NOS1AP: variants seen among roughly 807,000 people sequenced by gnomAD.
NOS1AP encodes the protein carboxyl-terminal PDZ ligand of neuronal nitric oxide synthase protein.
Under a neutral mutation model 56.2 loss-of-function variants are expected in NOS1AP, and 21 were observed. That is an observed-to-expected ratio of 0.37 (90% confidence interval 0.26 to 0.54). The LOEUF is 0.54. Among genes scored for constraint, NOS1AP ranks in the 20% least tolerant of loss-of-function variants. NOS1AP has a pLI of 0.84. For missense variants in NOS1AP, 522 were observed against 657.8 expected (o/e 0.79, Z 2.26); for synonymous variants, 270 against 274.6 (o/e 0.98, Z 0.17).
intron 2 of NOS1AP, among the ~76,000 whole-genome samples, chr1:162,258,502 C>T (rs1654107468): frequency 6.6e-6 from 1 of 152,152 alleles, no homozygotes. Flanking sequence ...CTCCTCTCCT[C>T]TCTTGGTTTC....
chr1:162,123,578 A>G (rs1030860900), intron 1 of NOS1AP, among the ~76,000 whole-genome samples: 1 of 152,248 alleles, frequency 6.6e-6, no homozygotes, highest in Admixed American at 6.5e-5. Flanking sequence ...ATGTAAAAAT[A>G]TATATTTCCT....
chr1:162,367,085 T>G lies in NOS1AP; in HGVS notation c.1139T>G (p.Phe380Cys). 2 of 1,613,948 alleles carry G rather than the reference T, an allele frequency of 1.2e-6. No homozygotes were observed. The highest frequency in any genetic ancestry group is 1.7e-6 in the Non-Finnish European group (2 of 1,180,004). ...GSQDSLLEIT[F>C]RSGALPVLCD... ...CAGGACAGCTTGCTGGAGATCACCT[T>G]CCGCTCCGGAGCCCTGCCCGTGCTC... The change falls in exon 10 of 10, where the codon TTC becomes TGC. Residue 380 changes from phenylalanine (F) to cysteine (C), a missense_variant. Around this residue, in one of 4 missense-constraint regions of NOS1AP, gnomAD observed 160 missense variants for 180.3 expected, o/e 0.89. Transcript: ENST00000361897. The surrounding 1 kb of genome is among the most constrained non-coding windows in gnomAD (Gnocchi z 6.5).
At chr1:162,139,731 A>G (rs570775524) in intron 1 of NOS1AP, among the ~76,000 whole-genome samples, 2 of 152,360 alleles carry the variant, frequency 1.3e-5, no homozygotes, top group East Asian at 3.9e-4. Flanking sequence ...AGCTTTTGTC[A>G]GACAAATCTG....
chr1:162,249,440 G>A (rs1410620376), intron 2 of NOS1AP, among the ~76,000 whole-genome samples: 1 of 152,216 alleles, frequency 6.6e-6, no homozygotes, highest in Non-Finnish European at 1.5e-5. Context: ...GGGGCAGCTT[G>A]TAAGAATCCC....
intron 2 of NOS1AP, among the ~76,000 whole-genome samples, chr1:162,169,745 C>T (rs1189316309): frequency 1.3e-5 from 2 of 152,216 alleles, no homozygotes; most frequent in Admixed American, 6.5e-5. Flanking sequence ...AGTGGCTCCT[C>T]ATTGCCTGTG....
intron 4 of NOS1AP, among the ~76,000 whole-genome samples, chr1:162,316,106 T>C (rs1375799895): frequency 6.6e-6 from 1 of 152,210 alleles, no homozygotes; most frequent in Non-Finnish European, 1.5e-5. Context: ...AGTGGATGAA[T>C]GAATGAACGA....
intron 1 of NOS1AP, among the ~76,000 whole-genome samples, chr1:162,124,726 T>C (rs1433925474): frequency 1.3e-5 from 2 of 152,178 alleles, no homozygotes; most frequent in Non-Finnish European, 2.9e-5. Context: ...TTTTGCCATG[T>C]TGGGCAGCCT....
chr1:162,251,694 A>G (rs1653857464), intron 2 of NOS1AP, among the ~76,000 whole-genome samples: 1 of 151,066 alleles, frequency 6.6e-6, no homozygotes, highest in Non-Finnish European at 1.5e-5. Flanking sequence ...ATATACACAT[A>G]CATATTTGAG....
At chr1:162,121,409 G>A (rs933097654) in intron 1 of NOS1AP, among the ~76,000 whole-genome samples, 2 of 152,034 alleles carry the variant, frequency 1.3e-5, no homozygotes, top group South Asian at 2.1e-4. Flanking sequence ...GTGAGTCACC[G>A]TGCCCGGCCT....
chr1:162,217,140 C>T (rs1455653704), intron 2 of NOS1AP, among the ~76,000 whole-genome samples: 3 of 151,966 alleles, frequency 2.0e-5, no homozygotes, highest in Non-Finnish European at 2.9e-5. Flanking sequence ...CACTCTTTCA[C>T]ATGGGGAAGC....
intron 2 of NOS1AP, among the ~76,000 whole-genome samples, chr1:162,244,797 G>C (rs1653606588): frequency 6.6e-6 from 1 of 152,088 alleles, no homozygotes; most frequent in African/African-American, 2.4e-5. Flanking sequence ...TTTAGATATG[G>C]CCAAGTATTG....
intron 4 of NOS1AP, among the ~76,000 whole-genome samples, chr1:162,326,946 T>C (rs1656612197): frequency 6.6e-6 from 1 of 152,214 alleles, no homozygotes; most frequent in Admixed American, 6.5e-5. Flanking sequence ...TGTGAGATCA[T>C]GAAGAAAAAT....
intron 2 of NOS1AP, among the ~76,000 whole-genome samples, chr1:162,220,599 G>C (rs1652737753): frequency 6.6e-6 from 1 of 152,198 alleles, no homozygotes; most frequent in African/African-American, 2.4e-5. Context: ...TAGGGCTGCT[G>C]TTTGTTTGAT....
chr1:162,095,405 C>G (rs1692217549), intron 1 of NOS1AP, among the ~76,000 whole-genome samples: 1 of 152,186 alleles, frequency 6.6e-6, no homozygotes, highest in South Asian at 2.1e-4. Flanking sequence ...TCTCAGACTT[C>G]TCAGTCTTCA....
chr1:162,214,746 A>G (rs778426186), intron 2 of NOS1AP, among the ~76,000 whole-genome samples: 3 of 152,158 alleles, frequency 2.0e-5, no homozygotes, highest in Non-Finnish European at 4.4e-5. Context: ...TCACAGAACT[A>G]CTATTTGGCC....
intron 1 of NOS1AP, among the ~76,000 whole-genome samples, chr1:162,138,211 A>G (rs1292119254): frequency 1.3e-5 from 2 of 152,164 alleles, no homozygotes; most frequent in East Asian, 3.9e-4. Flanking sequence ...AGGTTTTCAG[A>G]AAAAAGCATA....
chr1:162,204,050 G>A (rs999819585), intron 2 of NOS1AP, among the ~76,000 whole-genome samples: 2 of 151,746 alleles, frequency 1.3e-5, no homozygotes, highest in Non-Finnish European at 2.9e-5. Context: ...TATGGCCAGA[G>A]TGCTCTTTCA....
chr1:162,104,613 ATTC>A (rs948125822), intron 1 of NOS1AP, among the ~76,000 whole-genome samples: 10 of 151,272 alleles, frequency 6.6e-5, no homozygotes. Context: ...ATTCCTTTTC[ATTC>A]TTCTTTTCTC....
chr1:162,250,614 G>A (rs557805759), intron 2 of NOS1AP, among the ~76,000 whole-genome samples: 36 of 152,288 alleles, frequency 2.4e-4, no homozygotes, highest in Middle Eastern at 6.8e-3. Flanking sequence ...AAGTGGGGTG[G>A]GGTAAAATGG....
Sources: gnomAD v4.1 joint callset for allele counts (sites outside exome capture counted in the v4.1 genomes callset) on GRCh38, gnomAD v4.1.1 for gene constraint, gnomAD v4.1.1 regional missense constraint, Gnocchi (gnomAD v3.1) non-coding constraint, MANE v1.5 for transcripts, NCBI Gene and HGNC (gene_info 2026-07-23, HGNC 2026-07-21) for gene names.